The following UTRN variants were observed in gnomAD, a reference collection of about 807,000 sequenced individuals.
UTRN encodes utrophin.
Under a neutral mutation model 463.9 loss-of-function variants are expected in UTRN, and 283 were observed. That is an observed-to-expected ratio of 0.61 (90% CI 0.55 to 0.67). UTRN has a LOEUF of 0.67. Ranked by LOEUF, UTRN falls within the 30% of genes least tolerant of loss-of-function variation. UTRN has a pLI of 0.00. For synonymous variants in UTRN, 1,442 were observed against 1,431.5 expected, an observed-to-expected ratio of 1.01 and a Z score of -0.17; for missense variants, 3,922 against 4,084.3, an observed-to-expected ratio of 0.96 and a Z score of 1.08.
chr6:144,816,362 A>G (rs1371090372), intron 65 of UTRN, among the ~76,000 whole-genome samples: 1 of 152,234 alleles, frequency 6.6e-6, no homozygotes. Flanking sequence ...GTACTACTTC[A>G]AAAAATGAAG....
intron 2 of UTRN, among the ~76,000 whole-genome samples, chr6:144,297,905 C>T (rs1195037593): frequency 1.3e-5 from 2 of 152,128 alleles, no homozygotes; most frequent in Non-Finnish European, 2.9e-5. Flanking sequence ...AAAGGAAGTA[C>T]GTTAATTATA....
In UTRN at chr6:144,758,066, A is replaced by G. The variant is rs1270015238; in HGVS notation, c.8495+77A>G. Reference sequence around the variant, plus strand: ...GATAACTTAAGAGGCTTCTCTCCCCATAACTTTTAAAAATAGAATTCAGTC... The same window carrying G: ...GATAACTTAAGAGGCTTCTCTCCCCGTAACTTTTAAAAATAGAATTCAGTC... On this transcript the variant is annotated intron_variant, in intron 58 of 74. Transcript: ENST00000367545. 4 of 1,274,684 alleles carry G rather than the reference A, an allele frequency of 3.1e-6. No homozygotes were observed. In the East Asian group the frequency reaches 9.6e-5, roughly 31 times the overall value. 79.0% of individuals were successfully genotyped at this position (1,274,684 alleles called of 1,614,324 possible).
At chr6:144,366,394 T>C (rs1446806871) in intron 2 of UTRN, among the ~76,000 whole-genome samples, 1 of 152,190 alleles carries the variant, frequency 6.6e-6, no homozygotes, top group Non-Finnish European at 1.5e-5. Flanking sequence ...GATTGTCTCC[T>C]TCCTCCCATC....
chr6:144,464,214 A>C (rs1789706093), intron 23 of UTRN, among the ~76,000 whole-genome samples: 1 of 152,218 alleles, frequency 6.6e-6, no homozygotes, highest in Non-Finnish European at 1.5e-5. Flanking sequence ...AGGAGCTGGA[A>C]GACCTCACAG....
At chr6:144,710,163 C>T (rs569390976) in intron 53 of UTRN, among the ~76,000 whole-genome samples, 7 of 152,246 alleles carry the variant, frequency 4.6e-5, no homozygotes, top group East Asian at 1.9e-4. Flanking sequence ...TCTGAGATTT[C>T]GCCTTAGAAT....
intron 2 of UTRN, among the ~76,000 whole-genome samples, chr6:144,402,739 C>T (rs1248459732): frequency 6.6e-6 from 1 of 152,142 alleles, no homozygotes; most frequent in Non-Finnish European, 1.5e-5. Context: ...TTGTTTTTAG[C>T]ATGCTGACAT....
chr6:144,576,499 A>G (rs1801448682), intron 50 of UTRN, among the ~76,000 whole-genome samples: 1 of 152,196 alleles, frequency 6.6e-6, no homozygotes, highest in South Asian at 2.1e-4. Context: ...ACCAACTTGT[A>G]TATATATGAA....
intron 52 of UTRN, among the ~76,000 whole-genome samples, chr6:144,687,806 T>C (rs1311842431): frequency 2.0e-5 from 3 of 152,180 alleles, no homozygotes; most frequent in African/African-American, 7.2e-5. Context: ...TGACATTAGA[T>C]AGCCTGATGA....
In UTRN at chr6:144,851,189, A is replaced by G; in HGVS notation, c.*192A>G. 1.5e-6 allele frequency: 1 copy of G among 673,816 alleles called. No individual in the cohort carries two copies. Among genetic ancestry groups the G allele is most frequent in the East Asian group, 2.7e-5 (1 of 36,642 alleles). 41.7% of individuals were successfully genotyped at this position (673,816 alleles called of 1,614,324 possible). On this transcript the variant is annotated 3_prime_UTR_variant, in exon 75 of 75. Transcript: ENST00000367545. ...GAAATGGATATTTTGTTTTTATAAT[A>G]ACCATATATTATTGTTTTCTTCTTC...
At chr6:144,459,035 G>A (rs1273170059) in intron 20 of UTRN, 24 bp downstream of exon 20, 1 of 1,580,874 alleles carries the variant, frequency 6.3e-7, no homozygotes, top group Non-Finnish European at 8.6e-7. Context: ...GGTCTGGAAA[G>A]TGGAGGAATT....
intron 26 of UTRN, among the ~76,000 whole-genome samples, 156 bp downstream of exon 26, chr6:144,480,138 C>T (rs1039464741): frequency 5.9e-5 from 9 of 152,156 alleles, no homozygotes; most frequent in Non-Finnish European, 1.0e-4. Context: ...GGTAGCTGCT[C>T]TAATTTTAGC....
rs1174868600 is a variant in UTRN, at chr6:144,440,430, A to C, written c.1471A>C (p.Ser491Arg). 1.9e-6 allele frequency: 3 copies of C among 1,614,214 alleles called. No individual in the cohort carries two copies. The highest frequency in any genetic ancestry group is 1.7e-6 in the Non-Finnish European group (2 of 1,180,038). ...CATGGTGGTCATTGTTGATGAAAACAGTGGTGAGAGTGCTACAGCTATCCT... is the reference window on the plus strand; with the variant it reads ...CATGGTGGTCATTGTTGATGAAAACCGTGGTGAGAGTGCTACAGCTATCCT... ...THMVVIVDEN[S>R]GESATAILED... The change falls in exon 13 of 75, where the codon AGT (serine) becomes CGT (arginine). Residue 491 changes from serine to arginine, a missense_variant. This residue lies in a region of UTRN where 2,349 missense variants were observed against 2,303.8 expected (regional missense o/e 1.02). Coordinates refer to ENST00000367545, the MANE Select transcript of UTRN (RefSeq NM_007124.3).
chr6:144,673,721 G>T (rs1781289922), intron 51 of UTRN, among the ~76,000 whole-genome samples: 1 of 151,922 alleles, frequency 6.6e-6, no homozygotes, highest in African/African-American at 2.4e-5. Flanking sequence ...AAAAAATTGT[G>T]TTGTTGTTTT....
intron 2 of UTRN, among the ~76,000 whole-genome samples, chr6:144,306,445 T>C (rs1805745588): frequency 6.6e-6 from 1 of 152,024 alleles, no homozygotes; most frequent in South Asian, 2.1e-4. Flanking sequence ...GAGGCAGACC[T>C]GATAGGACAT....
chr6:144,376,429 T>G (rs1232043722), intron 2 of UTRN, among the ~76,000 whole-genome samples: 1 of 150,408 alleles, frequency 6.6e-6, no homozygotes, highest in East Asian at 2.0e-4. Context: ...CACTCCAGCC[T>G]GGTGACAGAG....
chr6:144,830,981 C>T lies in UTRN; in HGVS notation c.9665+2126C>T, dbSNP rs951467958. On this transcript the variant is annotated intron_variant, in intron 69 of 74. Transcript: ENST00000367545. ...CACAGAAGTTGCAAATGCCACAAATCAAGGTCTTTTTCTCTTGGAGAACCT... is the reference window on the plus strand; with the variant it reads ...CACAGAAGTTGCAAATGCCACAAATTAAGGTCTTTTTCTCTTGGAGAACCT... 9.2e-5 allele frequency among the ~76,000 whole-genome samples: 14 copies of T among 152,278 alleles called. No homozygotes were observed. The East Asian group carries it at 2.5e-3, about 27-fold the overall frequency.
At chr6:144,653,220 C>G (rs1438956722) in intron 51 of UTRN, among the ~76,000 whole-genome samples, 6 of 152,132 alleles carry the variant, frequency 3.9e-5, no homozygotes, top group African/African-American at 1.4e-4. Flanking sequence ...ATATCACTCC[C>G]CCCCTTTTTG....
At chr6:144,730,531 G>C (rs1484242486) in intron 54 of UTRN, 45 bp downstream of exon 54, 4 of 1,501,388 alleles carry the variant, frequency 2.7e-6, no homozygotes, top group Non-Finnish European at 3.6e-6. Context: ...CATGCTAGGA[G>C]AACAAAAAAC....
chr6:144,479,114 GTTTTT>G (rs36044387), intron 25 of UTRN, among the ~76,000 whole-genome samples: 1 of 114,784 alleles, frequency 8.7e-6, no homozygotes, highest in African/African-American at 3.6e-5. Context: ...GCTTCTAGGG[GTTTTT>G]TTTTTTTTTT....
Sources: allele counts gnomAD v4.1 joint callset (sites outside exome capture counted in the v4.1 genomes callset), GRCh38; gene constraint gnomAD v4.1.1; regional missense constraint gnomAD v4.1.1; transcripts MANE v1.5; gene names NCBI Gene and HGNC (gene_info 2026-07-23, HGNC 2026-07-21).